The following WWP1 variants were observed in gnomAD, a reference collection of about 807,000 sequenced individuals.
WWP1 encodes WW domain containing E3 ubiquitin protein ligase 1, also known as NEDD4-like E3 ubiquitin-protein ligase WWP1.
A neutral mutation model predicts 130.6 loss-of-function variants in WWP1; 49 were observed. The ratio of observed to expected loss-of-function variants is 0.38; its 90% CI spans 0.30 to 0.48. The LOEUF (loss-of-function observed/expected upper bound fraction) is 0.48. Ranked by LOEUF, WWP1 falls within the 20% of genes least tolerant of loss-of-function variation. The pLI, the probability that WWP1 is intolerant of heterozygous loss-of-function variation, is 0.99. For synonymous variants in WWP1, 332 were observed against 367.8 expected, an observed-to-expected ratio of 0.90 and a Z score of 1.11; for missense variants, 809 against 1,100.6, an observed-to-expected ratio of 0.74 and a Z score of 3.75.
In WWP1 at chr8:86,398,374, T is replaced by G. The variant is rs762378414; in HGVS notation, c.367T>G (p.Leu123Val). The G allele has an allele frequency of 1.2e-6, 2 of 1,604,934 alleles. No homozygotes were observed. The highest frequency in any genetic ancestry group is 1.7e-6 in the Non-Finnish European group (2 of 1,174,334). Residue 123 changes from leucine to valine, a missense_variant, in exon 6 of 25, where the codon TTG becomes GTG. By Grantham distance (32) the Leu-to-Val change is conservative (BLOSUM62 1). Transcript: ENST00000517970. ...AGTGAAAGAACAATTAAAACTTTCC[T>G]TGGAAAACAAGAATGGCATAGCACA... ...ERVKEQLKLS[L>V]ENKNGIAQTG...
chr8:86,382,097 A>G (rs1439033144), intron 5 of WWP1, among the ~76,000 whole-genome samples: 2 of 152,164 alleles, frequency 1.3e-5, no homozygotes, highest in Non-Finnish European at 2.9e-5. Context: ...TTTACTATCC[A>G]AGGATAACCA....
In WWP1 at chr8:86,368,065, C is replaced by G. The variant is rs1824070705; in HGVS notation, c.-114-874C>G. ...TGGTTGTTAGCAATTTTCTTTTGAACTGCATATCCAAATGAAACTTGTATA... is the reference window on the plus strand; with the variant it reads ...TGGTTGTTAGCAATTTTCTTTTGAAGTGCATATCCAAATGAAACTTGTATA... On this transcript the variant is annotated intron_variant, in intron 1 of 24. Coordinates refer to ENST00000517970, the MANE Select transcript of WWP1 (RefSeq NM_007013.4). Among the ~76,000 whole-genome samples the G allele has an allele frequency of 3.3e-5, 5 of 152,152 alleles. No individual in the cohort carries two copies. The South Asian group carries it at 1.0e-3, about 32-fold the overall frequency.
chr8:86,412,281 G>A (rs1386172243), intron 9 of WWP1, among the ~76,000 whole-genome samples: 1 of 152,106 alleles, frequency 6.6e-6, no homozygotes, highest in Non-Finnish European at 1.5e-5. Context: ...TTGAGTGCTG[G>A]GGAGTCACAA....
intron 24 of WWP1, among the ~76,000 whole-genome samples, chr8:86,463,112 C>T (rs548060917): frequency 6.6e-6 from 1 of 152,066 alleles, no homozygotes; most frequent in Admixed American, 6.5e-5. Context: ...TTATGGAACA[C>T]TATTTTTACT....
intron 5 of WWP1, among the ~76,000 whole-genome samples, chr8:86,389,345 G>C (rs1385962681): frequency 6.6e-6 from 1 of 152,112 alleles, no homozygotes; most frequent in East Asian, 1.9e-4. Flanking sequence ...TGAGATTAGG[G>C]AGTGTGATGA....
intron 1 of WWP1, among the ~76,000 whole-genome samples, chr8:86,362,017 T>C (rs992844725): frequency 5.8e-4 from 81 of 139,680 alleles, no homozygotes; most frequent in African/African-American, 2.0e-3. Context: ...CATATATATA[T>C]ACACATATAT....
intron 9 of WWP1, among the ~76,000 whole-genome samples, chr8:86,424,264 A>G (rs1240919512): frequency 1.4e-5 from 2 of 141,188 alleles, no homozygotes; most frequent in African/African-American, 2.7e-5. Flanking sequence ...AGGCAGAGAC[A>G]CTCCTCACTT....
At chr8:86,450,858 T>A (rs187498307) in intron 20 of WWP1, among the ~76,000 whole-genome samples, 425 of 152,174 alleles carry the variant, frequency 2.8e-3, no homozygotes, top group African/African-American at 9.7e-3. Context: ...AAGAGAGCTA[T>A]TGTTTCTGCT....
At chr8:86,390,447 C>T (rs1199302625) in intron 5 of WWP1, among the ~76,000 whole-genome samples, 2 of 152,206 alleles carry the variant, frequency 1.3e-5, no homozygotes, top group Admixed American at 1.3e-4. Context: ...AATCCCGGCA[C>T]TTCGGGAGGC....
intron 18 of WWP1, among the ~76,000 whole-genome samples, chr8:86,446,291 G>A (rs1810875294): frequency 6.6e-6 from 1 of 151,984 alleles, no homozygotes; most frequent in African/African-American, 2.4e-5. Context: ...AGCTGCTTAT[G>A]TATCTTCTTT....
In WWP1 at chr8:86,462,983, C is replaced by A. The variant is rs1185520408; in HGVS notation, c.2669+1137C>A. ...GATGCTTGAGTATATGTTTTTTTAA[C>A]ATTTGTGTGACAAAATAGGAAGTCT... On this transcript the variant is annotated intron_variant, in intron 24 of 24. Transcript: ENST00000517970. 4.0e-5 allele frequency among the ~76,000 whole-genome samples: 6 copies of A among 151,830 alleles called. No individual in the cohort carries two copies. In the East Asian group the frequency reaches 1.2e-3, roughly 29 times the overall value.
chr8:86,399,901 A>G (rs750114811), intron 7 of WWP1, among the ~76,000 whole-genome samples: 11 of 152,216 alleles, frequency 7.2e-5, no homozygotes, highest in Non-Finnish European at 5.9e-5. Flanking sequence ...TATATAGGCA[A>G]CAAGGGAAAG....
At position 86,380,791 on chromosome 8, in the gene WWP1, G is replaced by A; in HGVS notation, c.136G>A (p.Val46Ile). The A allele has an allele frequency of 6.2e-7, 1 of 1,613,362 alleles. No homozygotes were observed. Among genetic ancestry groups the A allele is most frequent in the South Asian group, 1.1e-5 (1 of 90,984 alleles). ...AACAGCAATATATACAGAAGTAGTTGTAGATGGAGAAATTACGAAAACAGC... is the reference window on the plus strand; with the variant it reads ...AACAGCAATATATACAGAAGTAGTTATAGATGGAGAAATTACGAAAACAGC... Reference protein sequence around the residue: ...FGTAIYTEVVVDGEITKTAKS... With the variant: ...FGTAIYTEVVIDGEITKTAKS... Residue 46 changes from valine (V) to isoleucine (I), a missense_variant, in exon 4 of 25, where the codon GTA (valine) becomes ATA (isoleucine). Around this residue, in one of 3 missense-constraint regions of WWP1, gnomAD observed 262 missense variants for 346.0 expected, o/e 0.76. Coordinates refer to ENST00000517970, the MANE Select transcript of WWP1 (RefSeq NM_007013.4).
At chr8:86,412,170 T>C (rs1744991860) in intron 9 of WWP1, among the ~76,000 whole-genome samples, 1 of 152,222 alleles carries the variant, frequency 6.6e-6, no homozygotes, top group African/African-American at 2.4e-5. Flanking sequence ...AGAGTGACCA[T>C]GATACTCCAT....
chr8:86,417,782 G>T (rs553779660), intron 9 of WWP1, among the ~76,000 whole-genome samples: 1 of 152,196 alleles, frequency 6.6e-6, no homozygotes, highest in African/African-American at 2.4e-5. Flanking sequence ...AATATTAATA[G>T]TTCTTAAGCT....
At chr8:86,443,626 G>A (rs1387556046) in intron 18 of WWP1, among the ~76,000 whole-genome samples, 5 of 152,074 alleles carry the variant, frequency 3.3e-5, no homozygotes, top group African/African-American at 1.2e-4. Flanking sequence ...CTGCTCTCAG[G>A]GACCTAAATT....
chr8:86,347,643 A>T (rs1326843024), intron 1 of WWP1, among the ~76,000 whole-genome samples: 1 of 152,220 alleles, frequency 6.6e-6, no homozygotes, highest in African/African-American at 2.4e-5. Flanking sequence ...CAGAATAGTT[A>T]TTCTCCTGTC....
chr8:86,450,410 C>A lies in WWP1; in HGVS notation c.2273+1897C>A, dbSNP rs529686832. ...GAGGAAAATATATTCATCAAAAGAT[C>A]ATGCATAAGGCACTGGACTTTCTAT... is the stretch of plus-strand genomic sequence containing the variant. On this transcript the variant is annotated intron_variant, in intron 20 of 24. Transcript: ENST00000517970. Among the ~76,000 whole-genome samples, 8 of 152,294 alleles carry A rather than the reference C, an allele frequency of 5.3e-5. No individual in the cohort carries two copies. The South Asian group carries it at 1.2e-3, about 24-fold the overall frequency.
intron 9 of WWP1, among the ~76,000 whole-genome samples, chr8:86,423,027 G>T (rs1254007509): frequency 1.3e-5 from 2 of 148,836 alleles, no homozygotes; most frequent in Admixed American, 1.3e-4. Context: ...TAGACACTTT[G>T]TGCCTTGGAT....
Sources: allele counts gnomAD v4.1 joint callset (sites outside exome capture counted in the v4.1 genomes callset), GRCh38; gene constraint gnomAD v4.1.1; regional missense constraint gnomAD v4.1.1; transcripts MANE v1.5; gene names NCBI Gene and HGNC (gene_info 2026-07-23, HGNC 2026-07-21).